PRSS55: variants seen among roughly 807,000 people sequenced by gnomAD.
PRSS55 encodes the protein serine protease 55.
Under a neutral mutation model 23.6 loss-of-function variants are expected in PRSS55, and 41 were observed. The observed-to-expected ratio is 1.74, with a 90% confidence interval of 1.35 to 2.26. The LOEUF (loss-of-function observed/expected upper bound fraction) is 2.26, where lower values mean the gene tolerates loss of function less well. Among genes scored for constraint, PRSS55 ranks in the 30% most tolerant of loss-of-function variants. PRSS55 has a pLI of 0.00. For missense variants in PRSS55, 669 were observed against 439.1 expected (o/e 1.52, Z -4.68); for synonymous variants, 262 against 175.5 (o/e 1.49, Z -3.90).
intron 1 of PRSS55, chr8:10,529,301 T>C: frequency 1.6e-6 from 1 of 611,700 alleles, no homozygotes; most frequent in Non-Finnish European, 2.9e-6. Flanking sequence ...CTCTATCTGT[T>C]GCTGAGCTCT....
In PRSS55 at chr8:10,525,659, C is replaced by T. The variant is rs1183393996; in HGVS notation, c.74C>T (p.Pro25Leu). The change falls in exon 1 of 5, where the codon CCA becomes CTA. Residue 25 changes from proline (P) to leucine (L), a missense_variant. Pro to Leu is a moderately conservative substitution (Grantham distance 98). Transcript: ENST00000328655. ...CAGCTCGGTCCACGGACTCCTCTCC[C>T]AGAGGCTGGAGTGGCTATCCTAGGC... is the stretch of plus-strand genomic sequence containing the variant. ...GTQLGPRTPL[P>L]EAGVAILGRA... 1.2e-6 allele frequency: 2 copies of T among 1,614,168 alleles called. No individual in the cohort carries two copies. The highest frequency in any genetic ancestry group is 2.7e-5 in the African/African-American group (2 of 75,060).
intron 4 of PRSS55, chr8:10,545,110 C>T (rs1234084145): frequency 2.0e-6 from 1 of 499,282 alleles, no homozygotes; most frequent in Non-Finnish European, 2.6e-6. Flanking sequence ...AAATTTCCAA[C>T]TTATTTCAAA....
intron 4 of PRSS55, among the ~76,000 whole-genome samples, chr8:10,535,362 A>C (rs1812418178): frequency 1.3e-5 from 2 of 152,228 alleles, no homozygotes; most frequent in South Asian, 4.1e-4. Flanking sequence ...GCTGATACAA[A>C]AACTGACACA....
intron 4 of PRSS55, among the ~76,000 whole-genome samples, chr8:10,551,467 C>T (rs758550551): frequency 3.9e-5 from 6 of 152,164 alleles, no homozygotes; most frequent in Admixed American, 2.0e-4. Flanking sequence ...GCAGGGTAAC[C>T]GGCAGCATTG....
intron 1 of PRSS55, among the ~76,000 whole-genome samples, chr8:10,526,614 C>G (rs1231376512): frequency 2.0e-5 from 3 of 152,250 alleles, no homozygotes; most frequent in African/African-American, 7.2e-5. Context: ...AGGCTCTCAG[C>G]TCTGGCATGA....
intron 4 of PRSS55, among the ~76,000 whole-genome samples, chr8:10,535,749 A>C (rs1812432041): frequency 6.6e-6 from 1 of 152,264 alleles, no homozygotes; most frequent in African/African-American, 2.4e-5. Context: ...TGCACAGCTA[A>C]GGAAACTATT....
At chr8:10,532,844 C>G in intron 3 of PRSS55, 62 bp from the exon 4 acceptor site, 2 of 1,602,978 alleles carry the variant, frequency 1.2e-6, no homozygotes, top group East Asian at 4.5e-5. Context: ...CAGTCAGCTG[C>G]ATCACGAACG....
intron 4 of PRSS55, among the ~76,000 whole-genome samples, chr8:10,550,472 A>G (rs1812927716): frequency 6.6e-6 from 1 of 152,182 alleles, no homozygotes; most frequent in South Asian, 2.1e-4. Flanking sequence ...TGTGCCTTAA[A>G]CAACAAGAAT....
intron 4 of PRSS55, chr8:10,545,110 C>A (rs1234084145): frequency 1.2e-5 from 6 of 499,170 alleles, no homozygotes; most frequent in Non-Finnish European, 1.6e-5. Context: ...AAATTTCCAA[C>A]TTATTTCAAA....
rs1404547455 is a variant in PRSS55, at chr8:10,529,678, G to A, written c.326G>A (p.Cys109Tyr). The A allele has an allele frequency of 1.2e-6, 2 of 1,613,996 alleles. No individual in the cohort carries two copies. Residue 109 changes from cysteine (C) to tyrosine (Y), a missense_variant, in exon 2 of 5, where the codon TGC becomes TAC. By Grantham distance (194) the Cys-to-Tyr change is radical. Transcript: ENST00000328655. ...TGGTGGATTCTCACTGCGGCTCACT[G>A]CTTATATTCCGAGGAGCTGTTGTAA... is the stretch of plus-strand genomic sequence containing the variant. ...NKWWILTAAH[C>Y]LYSEELFPEE...
chr8:10,543,442 TCCATCC>T (rs1455133519), downstream of PRSS55, among the ~76,000 whole-genome samples: 752 of 102,086 alleles, frequency 7.4e-3, 46 homozygotes, highest in Admixed American at 0.061. Flanking sequence ...CTTCCTTCCT[TCCATCC>T]TTCCTTCCTT....
At chr8:10,532,335 A>T (rs1440032913) in intron 3 of PRSS55, among the ~76,000 whole-genome samples, 2 of 152,198 alleles carry the variant, frequency 1.3e-5, no homozygotes, top group Admixed American at 6.5e-5. Flanking sequence ...AGGGGAAGAA[A>T]TGTGAAATCT....
At chr8:10,534,192 C>T (rs1446843768) in intron 4 of PRSS55, among the ~76,000 whole-genome samples, 21 of 152,116 alleles carry the variant, frequency 1.4e-4, no homozygotes. Context: ...GGAGTAAACA[C>T]AATTCTCCCA....
intron 1 of PRSS55, among the ~76,000 whole-genome samples, chr8:10,526,655 G>A (rs904044529): frequency 6.6e-6 from 1 of 152,234 alleles, no homozygotes; most frequent in African/African-American, 2.4e-5. Flanking sequence ...CCATACAGAT[G>A]TTGTGGGTTG....
chr8:10,530,595 C>A (rs1812217230), intron 2 of PRSS55, among the ~76,000 whole-genome samples: 2 of 152,104 alleles, frequency 1.3e-5, no homozygotes, highest in South Asian at 2.1e-4. Flanking sequence ...TACACTGAGG[C>A]TGCTCACCCA....
At chr8:10,542,631 G>T (rs1160879948), downstream of PRSS55, among the ~76,000 whole-genome samples, 2 of 151,888 alleles carry the variant, frequency 1.3e-5, no homozygotes, top group African/African-American at 4.8e-5. Flanking sequence ...ACTTTGGGAG[G>T]CTGAGGCAGG....
chr8:10,543,724 GTGTTA>G (rs1034544949), downstream of PRSS55, among the ~76,000 whole-genome samples: 10 of 100,082 alleles, frequency 1.0e-4, no homozygotes, highest in African/African-American at 2.5e-4. Context: ...ATGTTTTTGT[GTGTTA>G]TGTTTTCACT....
chr8:10,527,387 C>T (rs1345072735), intron 1 of PRSS55, among the ~76,000 whole-genome samples: 1 of 152,248 alleles, frequency 6.6e-6, no homozygotes, highest in East Asian at 1.9e-4. Context: ...AGCCCACAAG[C>T]ATGTTGCCCT....
At chr8:10,536,408 CT>C (rs965033578) in intron 4 of PRSS55, among the ~76,000 whole-genome samples, 5 of 152,160 alleles carry the variant, frequency 3.3e-5, no homozygotes, top group African/African-American at 1.2e-4. Flanking sequence ...TTCTACACTT[CT>C]GGTGGGAATG....
Sources: gnomAD v4.1 joint callset for allele counts (sites outside exome capture counted in the v4.1 genomes callset) on GRCh38, gnomAD v4.1.1 for gene constraint, MANE v1.5 for transcripts, NCBI Gene and HGNC (gene_info 2026-07-23, HGNC 2026-07-21) for gene names.